The following OPHN1 variants were observed in gnomAD, a reference collection of about 807,000 sequenced individuals.
OPHN1 encodes the protein oligophrenin-1.
A neutral mutation model predicts 60.7 loss-of-function variants in OPHN1; 11 were observed. The ratio of observed to expected loss-of-function variants is 0.18; its 90% confidence interval spans 0.11 to 0.30. OPHN1 has a LOEUF of 0.30. Among genes scored for constraint, OPHN1 ranks in the 10% least tolerant of loss-of-function variants. The pLI, the probability that OPHN1 is intolerant of heterozygous loss-of-function variation, is 1.00. For missense variants in OPHN1, 449 were observed against 611.0 expected (o/e 0.73, Z 2.80); for synonymous variants, 226 against 222.6 (o/e 1.02, Z -0.14).
chrX:68,243,356 G>T (rs2077790570), intron 5 of OPHN1, among the ~76,000 whole-genome samples: 5 of 111,103 alleles, frequency 4.5e-5, no homozygotes, highest in South Asian at 3.9e-4. Context: ...CACTTAAAAT[G>T]ATTAAAATAG....
intron 5 of OPHN1, among the ~76,000 whole-genome samples, chrX:68,262,306 T>C (rs1196657310): frequency 2.7e-5 from 3 of 112,486 alleles, no homozygotes; most frequent in East Asian, 2.8e-4. Flanking sequence ...GAGAAGACTT[T>C]TGATTTTCTT....
intron 2 of OPHN1, among the ~76,000 whole-genome samples, chrX:68,363,164 C>A (rs1474660254): frequency 9.1e-6 from 1 of 110,046 alleles, no homozygotes; most frequent in Non-Finnish European, 1.9e-5. Context: ...ATGAGGATCG[C>A]TTGAACTGAG....
intron 2 of OPHN1, among the ~76,000 whole-genome samples, chrX:68,307,288 A>ATAAT (rs1555969327): frequency 9.5e-6 from 1 of 105,643 alleles, no homozygotes; most frequent in African/African-American, 3.6e-5. Flanking sequence ...ACCAAAAAAA[A>ATAAT]AATAATAATA....
At chrX:68,366,449 C>A (rs1314920972) in intron 2 of OPHN1, among the ~76,000 whole-genome samples, 2 of 110,750 alleles carry the variant, frequency 1.8e-5, no homozygotes, top group African/African-American at 6.6e-5. Context: ...CCACCTCAGC[C>A]TCCCAAGTAG....
intron 15 of OPHN1, among the ~76,000 whole-genome samples, chrX:68,184,449 G>T (rs1422876676): frequency 9.3e-6 from 1 of 106,988 alleles, no homozygotes; most frequent in African/African-American, 3.4e-5. Context: ...TTAAACCCAG[G>T]AGGCGGAGGC....
intron 5 of OPHN1, among the ~76,000 whole-genome samples, chrX:68,244,202 A>G (rs1471037648): frequency 9.0e-6 from 1 of 110,805 alleles, no homozygotes; most frequent in Non-Finnish European, 1.9e-5. Flanking sequence ...TCTTTCTCCA[A>G]TTTTTCTCAT....
At position 68,272,408 on chromosome X, in the gene OPHN1, C is replaced by T. The variant is rs2077974204; in HGVS notation, c.384+2330G>A. 2.7e-5 allele frequency among the ~76,000 whole-genome samples: 3 copies of T among 112,438 alleles called. No homozygotes were observed. The Admixed American group carries it at 2.8e-4, about 11-fold the overall frequency. ...GAAAGCATATGTAAAACCCTCAGTG[C>T]AGGCATGGGCCATAGGAAGTGCAGT... On this transcript the variant is annotated intron_variant, in intron 5 of 24. Coordinates refer to ENST00000355520, the MANE Select transcript of OPHN1 (RefSeq NM_002547.3).
chrX:68,070,369 G>T (rs1310067518), intron 20 of OPHN1, among the ~76,000 whole-genome samples: 1 of 111,897 alleles, frequency 8.9e-6, no homozygotes, highest in Non-Finnish European at 1.9e-5. Flanking sequence ...GAGCTGAGAT[G>T]CTGTGCAACT....
intron 6 of OPHN1, among the ~76,000 whole-genome samples, chrX:68,215,381 AG>A (rs2147487215): frequency 8.9e-6 from 1 of 112,054 alleles, no homozygotes; most frequent in East Asian, 2.8e-4. Flanking sequence ...CAATAGGAGA[AG>A]AAAAAGAGAC....
chrX:68,246,693 C>T (rs1056445371), intron 5 of OPHN1, among the ~76,000 whole-genome samples: 5 of 111,390 alleles, frequency 4.5e-5, no homozygotes, highest in African/African-American at 1.6e-4. Flanking sequence ...TCAAGATACA[C>T]TTGCTAAATT....
chrX:68,282,877 A>C (rs1268271630), intron 4 of OPHN1, among the ~76,000 whole-genome samples, 179 bp downstream of exon 4: 3 of 111,787 alleles, frequency 2.7e-5, no homozygotes, highest in African/African-American at 9.7e-5. Flanking sequence ...CTAATGCCAA[A>C]CTCTCAGGGT....
chrX:68,284,894 T>C (rs2078034180), intron 3 of OPHN1, among the ~76,000 whole-genome samples: 1 of 112,313 alleles, frequency 8.9e-6, no homozygotes, highest in Non-Finnish European at 1.9e-5. Context: ...TGTGTGTGAA[T>C]TTCACATCCC....
chrX:68,433,600 C>G (rs941140712), upstream of OPHN1: 8 of 294,182 alleles, frequency 2.7e-5, no homozygotes, highest in Non-Finnish European at 4.7e-5. Flanking sequence ...CCGGAGCGCT[C>G]TGGCTCCTTC....
chrX:68,117,187 T>C (rs1182891484), intron 16 of OPHN1, among the ~76,000 whole-genome samples: 4 of 111,019 alleles, frequency 3.6e-5, no homozygotes, highest in African/African-American at 1.3e-4. Flanking sequence ...ACTCCCCCTA[T>C]ACTGATTCAT....
At chrX:68,370,264 T>C (rs1364255343) in intron 2 of OPHN1, among the ~76,000 whole-genome samples, 1 of 108,937 alleles carries the variant, frequency 9.2e-6, no homozygotes, top group Non-Finnish European at 1.9e-5. Context: ...TGGAAGGTGA[T>C]CCCAGCCAAG....
At chrX:68,285,100 G>GGT (rs2078035298) in intron 3 of OPHN1, among the ~76,000 whole-genome samples, 1 of 111,963 alleles carries the variant, frequency 8.9e-6, no homozygotes, top group Non-Finnish European at 1.9e-5. Context: ...CTCACGGTCA[G>GGT]TCTAGCTAAG....
At chrX:68,363,124 T>A (rs1351482257) in intron 2 of OPHN1, among the ~76,000 whole-genome samples, 1 of 109,073 alleles carries the variant, frequency 9.2e-6, no homozygotes, top group African/African-American at 3.3e-5. Context: ...GGCGCGTGCC[T>A]GTAGTCCAAG....
intron 3 of OPHN1, among the ~76,000 whole-genome samples, chrX:68,297,550 G>C (rs1264397725): frequency 8.9e-6 from 1 of 112,072 alleles, no homozygotes; most frequent in Non-Finnish European, 1.9e-5. Flanking sequence ...TCTAAAAAAT[G>C]TTCATTGAAA....
chrX:68,212,480 G>A (rs961020778), intron 7 of OPHN1, among the ~76,000 whole-genome samples: 1 of 111,774 alleles, frequency 8.9e-6, no homozygotes, highest in Non-Finnish European at 1.9e-5. Flanking sequence ...AGCTACTTGG[G>A]AGGCTGAGGC....
Sources: allele counts gnomAD v4.1 joint callset (sites outside exome capture counted in the v4.1 genomes callset), GRCh38; gene constraint gnomAD v4.1.1; transcripts MANE v1.5; gene names NCBI Gene and HGNC (gene_info 2026-07-23, HGNC 2026-07-21).